The following ZNF407 variants were observed in gnomAD, a reference collection of about 807,000 sequenced individuals.
ZNF407 encodes the protein zinc finger protein 407.
ZNF407 carries 17 observed loss-of-function variants against 131.2 expected under a neutral mutation model. The observed-to-expected ratio is 0.13, with a 90% confidence interval of 0.09 to 0.19. The LOEUF (loss-of-function observed/expected upper bound fraction) is 0.19. Among genes scored for constraint, ZNF407 ranks in the 10% least tolerant of loss-of-function variants. The pLI, the probability that ZNF407 is intolerant of heterozygous loss-of-function variation, is 1.00. For missense variants in ZNF407, 2,681 were observed against 2,830.6 expected, an observed-to-expected ratio of 0.95 and a Z score of 1.20; for synonymous variants, 1,156 against 1,062.0, an observed-to-expected ratio of 1.09 and a Z score of -1.72.
At chr18:74,814,444 A>G (rs1254597444) in intron 4 of ZNF407, among the ~76,000 whole-genome samples, 1 of 152,186 alleles carries the variant, frequency 6.6e-6, no homozygotes, top group Non-Finnish European at 1.5e-5. Context: ...TATGTTCTCA[A>G]TAAATGATTG....
intron 8 of ZNF407, among the ~76,000 whole-genome samples, chr18:74,972,267 A>G (rs1357419267): frequency 6.6e-6 from 1 of 151,998 alleles, no homozygotes; most frequent in Non-Finnish European, 1.5e-5. Context: ...TTACTTTACT[A>G]ATTTTACTGT....
chr18:74,897,443 T>C (rs1220341744), intron 7 of ZNF407, among the ~76,000 whole-genome samples: 11 of 152,196 alleles, frequency 7.2e-5, no homozygotes, highest in Admixed American at 7.2e-4. Flanking sequence ...TTAAGTAGAA[T>C]CCAGATAAAC....
chr18:74,718,910 GCTTTT>G (rs1967959758), intron 3 of ZNF407, among the ~76,000 whole-genome samples: 1 of 151,878 alleles, frequency 6.6e-6, no homozygotes, highest in Non-Finnish European at 1.5e-5. Context: ...TTAATAATAT[GCTTTT>G]CTTAAAATCT....
chr18:74,716,325 A>G (rs1447140072), intron 3 of ZNF407, among the ~76,000 whole-genome samples: 1 of 152,238 alleles, frequency 6.6e-6, no homozygotes. Context: ...ACAGTACACA[A>G]GGCTTATTTT....
intron 8 of ZNF407, among the ~76,000 whole-genome samples, chr18:75,059,623 T>C (rs1244522684): frequency 6.6e-6 from 1 of 152,106 alleles, no homozygotes; most frequent in East Asian, 1.9e-4. Flanking sequence ...AGAAAGAATG[T>C]GTCAAATACA....
At chr18:74,852,039 A>G (rs1183267407) in intron 4 of ZNF407, among the ~76,000 whole-genome samples, 1 of 152,018 alleles carries the variant, frequency 6.6e-6, no homozygotes, top group East Asian at 1.9e-4. Context: ...CTCCTGCTCC[A>G]CTCCAGGGAC....
At chr18:74,992,434 G>A (rs1972729626) in intron 8 of ZNF407, among the ~76,000 whole-genome samples, 1 of 152,174 alleles carries the variant, frequency 6.6e-6, no homozygotes, top group Non-Finnish European at 1.5e-5. Flanking sequence ...AGAACTCGTT[G>A]TGGGTCCGCC....
chr18:75,063,023 C>T lies in ZNF407; in HGVS notation c.5429-127C>T. 2 of 872,330 alleles carry T rather than the reference C, an allele frequency of 2.3e-6. No homozygotes were observed. The highest frequency in any genetic ancestry group is 5.1e-5 in the East Asian group (2 of 38,876). The allele number at this position is 872,330 out of a possible 1,614,324, so 54.0% of individuals were successfully genotyped here. A position where few individuals can be genotyped will look rare whatever the true frequency, so the allele number is the denominator to read the frequency against. ...GCTGAAGCTTGCACTGTAGAGAGCT[C>T]TTCAGGGTTTGGAATAGGGGGTCGT... On this transcript the variant is annotated intron_variant, in intron 8 of 8. Coordinates refer to ENST00000299687, the MANE Select transcript of ZNF407 (RefSeq NM_017757.3). This position sits in a 1 kb window ranked among gnomAD's most constrained non-coding sequence, Gnocchi z 6.6.
chr18:74,991,812 GTTCAGCCAAGTCCC>G (rs1972722022), intron 8 of ZNF407, among the ~76,000 whole-genome samples: 1 of 152,162 alleles, frequency 6.6e-6, no homozygotes, highest in Non-Finnish European at 1.5e-5. Flanking sequence ...GAAAACTAAT[GTTCAGCCAAGTCCC>G]TTCAGGAGTA....
At position 74,698,879 on chromosome 18, in the gene ZNF407, C is replaced by T. The variant is rs2144816464; in HGVS notation, c.4802+57757C>T. Among the ~76,000 whole-genome samples, 2 of 151,992 alleles carry T rather than the reference C, an allele frequency of 1.3e-5. 1 individual carries two copies. The highest frequency in any genetic ancestry group is 4.2e-4 in the South Asian group (2 of 4,808). On this transcript the variant is annotated intron_variant, in intron 3 of 8. Transcript: ENST00000299687. ...ATTTGTTCCCCTCTTATTTCCTCCC[C>T]CAAGCAAACAAAGAAATAATAAATA...
At chr18:74,898,858 A>G (rs552421504) in intron 7 of ZNF407, among the ~76,000 whole-genome samples, 9 of 152,368 alleles carry the variant, frequency 5.9e-5, no homozygotes, top group African/African-American at 2.2e-4. Context: ...ATGGAAATTA[A>G]TATTTTGGAT....
At chr18:74,615,256 C>T (rs912125814) in intron 1 of ZNF407, among the ~76,000 whole-genome samples, 3 of 152,246 alleles carry the variant, frequency 2.0e-5, no homozygotes, top group Admixed American at 6.5e-5. Flanking sequence ...CCTGTAATCC[C>T]AGCACTTTGG....
At chr18:74,826,706 C>T (rs1431480455) in intron 4 of ZNF407, among the ~76,000 whole-genome samples, 1 of 152,094 alleles carries the variant, frequency 6.6e-6, no homozygotes, top group Non-Finnish European at 1.5e-5. Flanking sequence ...CCAAGCAGAG[C>T]GGGAATTTGG....
chr18:74,637,877 GT>G (rs1312237755), intron 2 of ZNF407, among the ~76,000 whole-genome samples: 1 of 152,146 alleles, frequency 6.6e-6, no homozygotes, highest in Non-Finnish European at 1.5e-5. Context: ...AAATAAATGA[GT>G]TTTGGTTATC....
rs779868984 is a variant in ZNF407, at chr18:74,635,383, C to T, written c.4364C>T (p.Thr1455Ile). Residue 1455 changes from threonine to isoleucine, a missense_variant, in exon 2 of 9, where the codon ACC becomes ATC. Thr to Ile is a moderately conservative substitution (Grantham distance 89, BLOSUM62 -1). Coordinates refer to ENST00000299687, the MANE Select transcript of ZNF407 (RefSeq NM_017757.3). This position sits in a 1 kb window ranked among gnomAD's most constrained non-coding sequence, Gnocchi z 4.7. ...HCLLCGKSFY[T>I]ESNLHQHLAS... ...TTACTCTGTGGAAAGTCGTTCTATA[C>T]CGAAAGCAACCTTCACCAGCATCTG... 6.2e-7 allele frequency: 1 copy of T among 1,613,914 alleles called. No homozygotes were observed. The highest frequency in any genetic ancestry group is 1.7e-5 in the Admixed American group (1 of 60,008).
intron 4 of ZNF407, among the ~76,000 whole-genome samples, chr18:74,876,249 C>T (rs1249693671): frequency 4.6e-5 from 7 of 152,180 alleles, no homozygotes; most frequent in Admixed American, 3.9e-4. Context: ...TTTGTGGCAT[C>T]GTGCTTGTCA....
intron 8 of ZNF407, among the ~76,000 whole-genome samples, chr18:75,058,668 C>T (rs1271428569): frequency 1.3e-5 from 2 of 152,198 alleles, no homozygotes; most frequent in Non-Finnish European, 2.9e-5. Context: ...ACCTGTACCA[C>T]GTGCCTGTTT....
intron 3 of ZNF407, among the ~76,000 whole-genome samples, chr18:74,755,771 T>TTCTCTC: frequency 7.7e-6 from 1 of 130,584 alleles, no homozygotes; most frequent in South Asian, 2.6e-4. Context: ...CTTTCTTTCT[T>TTCTCTC]TCTCTCTCTC....
At chr18:74,893,964 A>G (rs1008047) in intron 7 of ZNF407, among the ~76,000 whole-genome samples, 1,710 of 152,268 alleles carry the variant, frequency 0.011, 12 homozygotes, top group Non-Finnish European at 0.018. Context: ...TTTAAGTTTC[A>G]TTTGAAAATG....
Sources: allele counts gnomAD v4.1 joint callset (sites outside exome capture counted in the v4.1 genomes callset), GRCh38; gene constraint gnomAD v4.1.1; non-coding constraint Gnocchi (gnomAD v3.1); transcripts MANE v1.5; gene names NCBI Gene and HGNC (gene_info 2026-07-23, HGNC 2026-07-21).